The following SLC35D1 variants were observed in gnomAD, a reference collection of about 807,000 sequenced individuals.
SLC35D1 encodes the protein nucleotide sugar transporter SLC35D1.
A neutral mutation model predicts 46.7 loss-of-function variants in SLC35D1; 31 were observed. The ratio of observed to expected loss-of-function variants is 0.66; its 90% CI spans 0.50 to 0.90. The LOEUF (loss-of-function observed/expected upper bound fraction) is 0.90. Among genes scored for constraint, SLC35D1 ranks in the 40% least tolerant of loss-of-function variants. The probability of loss-of-function intolerance (pLI) is 0.00; values close to 1 mark genes in which losing one functional copy is unlikely to be tolerated. For missense variants in SLC35D1, 397 were observed against 426.2 expected, an observed-to-expected ratio of 0.93 and a Z score of 0.60; for synonymous variants, 195 against 164.6, an observed-to-expected ratio of 1.18 and a Z score of -1.41.
chr1:67,003,054 T>C lies in SLC35D1; in HGVS notation c.*1286A>G, dbSNP rs899176312. 3.3e-5 allele frequency: 5 copies of C among 152,354 alleles called. No individual in the cohort carries two copies. The highest frequency in any genetic ancestry group is 6.5e-5 in the Admixed American group (1 of 15,282). The allele number at this position is 152,354 out of a possible 1,614,324, so 9.4% of individuals were successfully genotyped here. A position where few individuals can be genotyped will look rare whatever the true frequency, so the allele number is the denominator to read the frequency against. ...CTCAGTAGGTGAGCCAAGGGGCACA[T>C]GATGTAGGTGAGAATGTTGAAAGGA... On this transcript the variant is annotated 3_prime_UTR_variant, in exon 12 of 12. Coordinates refer to ENST00000235345, the MANE Select transcript of SLC35D1 (RefSeq NM_015139.3).
Position 67,052,088 on chromosome 1 carries a change from T to G in SLC35D1, c.325-9A>C. On this transcript the variant is annotated splice_polypyrimidine_tract_variant and intron_variant, in intron 3 of 11. Transcript: ENST00000235345. ...AGAGGTAGTGGAAACGTCTAGAAAATTTAAAAAGGGATAACAAAACTCAAT... is the reference window on the plus strand; with the variant it reads ...AGAGGTAGTGGAAACGTCTAGAAAAGTTAAAAAGGGATAACAAAACTCAAT... 1 of 1,573,452 alleles carries G rather than the reference T, an allele frequency of 6.4e-7. No homozygotes were observed. Among genetic ancestry groups the G allele is most frequent in the African/African-American group, 1.3e-5 (1 of 74,178 alleles).
At chr1:67,043,008 G>A (rs941559653) in intron 7 of SLC35D1, among the ~76,000 whole-genome samples, 1 of 152,076 alleles carries the variant, frequency 6.6e-6, no homozygotes, top group African/African-American at 2.4e-5. Flanking sequence ...GACCAGCCTG[G>A]CCAACATAGT....
downstream of SLC35D1, among the ~76,000 whole-genome samples, chr1:66,997,599 G>A (rs1467711140): frequency 7.2e-6 from 1 of 138,290 alleles, no homozygotes; most frequent in African/African-American, 2.6e-5. Context: ...ATATAGAGAT[G>A]TATAAAGATG....
intron 11 of SLC35D1, among the ~76,000 whole-genome samples, chr1:67,006,752 T>C (rs536907199): frequency 3.0e-4 from 45 of 152,292 alleles, no homozygotes; most frequent in African/African-American, 9.9e-4. Context: ...CTAGGTTGAG[T>C]ATCTCTTATC....
At chr1:66,976,783 T>C in the SLC35D1 span, 1 of 1,346,434 alleles carries the variant, frequency 7.4e-7, no homozygotes, top group South Asian at 1.7e-5. Context: ...TCTAGATTTT[T>C]CTTGAGTTAA....
chr1:67,047,428 G>T, intron 6 of SLC35D1, 61 bp from the exon 7 acceptor site: 2 of 1,326,362 alleles, frequency 1.5e-6, no homozygotes, highest in Non-Finnish European at 2.1e-6. Flanking sequence ...ATTTTAAATA[G>T]ATATAAGCTA....
In SLC35D1 at chr1:67,008,866, C is replaced by A. The variant is rs532971127; in HGVS notation, c.959+219G>T. ...CAAGCAATCTGTCCACCTCAGCCTC[C>A]CAAAGTGTTGGGATTATAGGTATAA... On this transcript the variant is annotated intron_variant, in intron 11 of 11. Coordinates refer to ENST00000235345, the MANE Select transcript of SLC35D1 (RefSeq NM_015139.3). Among the ~76,000 whole-genome samples, 18 of 152,234 alleles carry A rather than the reference C, an allele frequency of 1.2e-4. No individual in the cohort carries two copies. The East Asian group carries it at 1.5e-3, about 13-fold the overall frequency.
chr1:67,026,143 T>C (rs1207149878), intron 8 of SLC35D1, among the ~76,000 whole-genome samples: 2 of 152,160 alleles, frequency 1.3e-5, no homozygotes, highest in Admixed American at 6.6e-5. Context: ...ATGTCAGCAA[T>C]AGATTCTTTG....
intron 11 of SLC35D1, among the ~76,000 whole-genome samples, chr1:67,007,661 T>C (rs1169926713): frequency 6.6e-6 from 1 of 152,218 alleles, no homozygotes. Flanking sequence ...GAGCATACTA[T>C]GTGTTACGCA....
At chr1:67,052,616 C>T (rs527665592) in intron 3 of SLC35D1, among the ~76,000 whole-genome samples, 155 bp downstream of exon 3, 2 of 152,164 alleles carry the variant, frequency 1.3e-5, no homozygotes, top group African/African-American at 2.4e-5. Flanking sequence ...CCTTCTTTGA[C>T]ACATATTACT....
chr1:67,050,412 T>C (rs1403693957), intron 5 of SLC35D1, 21 bp downstream of exon 5: 3 of 1,563,270 alleles, frequency 1.9e-6, no homozygotes, highest in African/African-American at 2.7e-5. Context: ...AAAGAACAGA[T>C]ATATTAGAAA....
At chr1:66,981,723 A>G in the SLC35D1 span, 4 of 1,419,586 alleles carry the variant, frequency 2.8e-6, no homozygotes, top group Non-Finnish European at 3.9e-6. Context: ...TTTAACCTCA[A>G]CTAATTTTTA....
the SLC35D1 span, chr1:66,986,164 T>C: frequency 2.2e-5 from 27 of 1,208,850 alleles, no homozygotes; most frequent in Non-Finnish European, 2.8e-5. Context: ...TTCAAACTTT[T>C]CTAGTTACAA....
chr1:67,005,884 G>C (rs1667437321), intron 11 of SLC35D1, among the ~76,000 whole-genome samples: 1 of 152,098 alleles, frequency 6.6e-6, no homozygotes, highest in Non-Finnish European at 1.5e-5. Context: ...TCTTTTAGCT[G>C]TACAGAGTCT....
intron 8 of SLC35D1, among the ~76,000 whole-genome samples, chr1:67,025,912 G>A (rs1184263740): frequency 6.6e-6 from 1 of 152,056 alleles, no homozygotes; most frequent in Non-Finnish European, 1.5e-5. Flanking sequence ...GTACAAACTT[G>A]CTAATTAGTT....
At position 67,035,804 on chromosome 1, in the gene SLC35D1, TC is replaced by T. The variant is rs1287496094; in HGVS notation, c.729+6431del. 2.8e-3 allele frequency among the ~76,000 whole-genome samples: 301 copies of T among 109,268 alleles called. 1 individual carries two copies. The highest frequency in any genetic ancestry group is 8.8e-3 in the African/African-American group (283 of 32,132). The allele number at this position is 109,268 out of a possible 152,430, so 71.7% of individuals were successfully genotyped here. On this transcript the variant is annotated intron_variant, in intron 8 of 11. Transcript: ENST00000235345. ...CATTAGGTTGTTTATTTGAAGTTTT[TC>T]TTTTTTTTTTTTTTTTGATGTAGGC... is the stretch of plus-strand genomic sequence containing the variant.
At chr1:67,010,629 T>C (rs1259102579) in intron 10 of SLC35D1, among the ~76,000 whole-genome samples, 3 of 152,230 alleles carry the variant, frequency 2.0e-5, no homozygotes, top group African/African-American at 7.2e-5. Flanking sequence ...TTTCAGATTT[T>C]GTAATATTTC....
chr1:67,046,163 AC>A (rs1456679001), intron 7 of SLC35D1, among the ~76,000 whole-genome samples: 1 of 152,092 alleles, frequency 6.6e-6, no homozygotes, highest in Non-Finnish European at 1.5e-5. Flanking sequence ...CAAAAACAAA[AC>A]AAAAAAAAAT....
At chr1:67,013,949 T>C (rs1292671514) in intron 10 of SLC35D1, among the ~76,000 whole-genome samples, 1 of 152,262 alleles carries the variant, frequency 6.6e-6, no homozygotes, top group East Asian at 1.9e-4. Context: ...CATAGCATTT[T>C]TCTTTCTGGG....
Sources: allele counts gnomAD v4.1 joint callset (sites outside exome capture counted in the v4.1 genomes callset), GRCh38; gene constraint gnomAD v4.1.1; transcripts MANE v1.5; gene names NCBI Gene and HGNC (gene_info 2026-07-23, HGNC 2026-07-21).